Variants in UBOX5 observed in about 807,000 individuals in gnomAD.
UBOX5 encodes RING finger protein 37.
In UBOX5, 28 loss-of-function variants were observed where a neutral mutation model predicts 39.0. That is an observed-to-expected ratio of 0.72 (90% CI 0.53 to 0.98). The LOEUF (loss-of-function observed/expected upper bound fraction) is 0.98. Ranked by LOEUF, UBOX5 falls within the 50% of genes least tolerant of loss-of-function variation. The pLI is 0.00. For synonymous variants in UBOX5, 283 were observed against 275.5 expected, an observed-to-expected ratio of 1.03 and a Z score of -0.27; for missense variants, 585 against 674.4, an observed-to-expected ratio of 0.87 and a Z score of 1.47.
At chr20:3,118,756 A>G (rs915711251) in intron 3 of UBOX5, among the ~76,000 whole-genome samples, 38 of 152,068 alleles carry the variant, frequency 2.5e-4, no homozygotes, top group African/African-American at 8.7e-4. Flanking sequence ...TGGGCGACAG[A>G]GCGAGACTCC....
intron 1 of UBOX5, chr20:3,146,804 T>C: frequency 6.2e-7 from 1 of 1,614,112 alleles, no homozygotes; most frequent in Non-Finnish European, 8.5e-7. Context: ...TACTTTCTCA[T>C]GAAGAAACGC....
chr20:3,156,361 T>G (rs1268826279), intron 1 of UBOX5, among the ~76,000 whole-genome samples: 1 of 151,962 alleles, frequency 6.6e-6, no homozygotes, highest in Non-Finnish European at 1.5e-5. Flanking sequence ...TATTTTTTGG[T>G]AGAGACGGGG....
At chr20:3,142,631 G>A (rs1027198454) in intron 1 of UBOX5, among the ~76,000 whole-genome samples, 2 of 149,968 alleles carry the variant, frequency 1.3e-5, no homozygotes, top group Admixed American at 1.3e-4. Context: ...AAAGGTGCCG[G>A]GCTTGGTGGC....
chr20:3,158,723 C>T (rs1229361635), intron 1 of UBOX5, among the ~76,000 whole-genome samples: 2 of 151,830 alleles, frequency 1.3e-5, no homozygotes, highest in Admixed American at 6.6e-5. Context: ...ATCCGCCCGC[C>T]TTGACCTCCC....
intron 4 of UBOX5, among the ~76,000 whole-genome samples, chr20:3,114,845 G>A (rs1264952330): frequency 6.6e-6 from 1 of 152,166 alleles, no homozygotes; most frequent in African/African-American, 2.4e-5. Context: ...CTACTCAGGA[G>A]GCTGAGGCAG....
rs540208105 is a variant in UBOX5, at chr20:3,149,168, C to T, written c.-42+10598G>A. 20 of 1,370,102 alleles carry T rather than the reference C, an allele frequency of 1.5e-5. No individual in the cohort carries two copies. Among genetic ancestry groups the T allele is most frequent in the African/African-American group, 1.5e-4 (10 of 68,754 alleles). The allele number at this position is 1,370,102 out of a possible 1,614,324, so 84.9% of individuals were successfully genotyped here. ...TATATGGTGCTTGATTAGAGCTGGA[C>T]GGGGAGGTGTTCCACAAAAACTGCC... On this transcript the variant is annotated intron_variant, in intron 1 of 4. Coordinates refer to ENST00000217173, the MANE Select transcript of UBOX5 (RefSeq NM_014948.4). The surrounding 1 kb of genome is among the most constrained non-coding windows in gnomAD (Gnocchi z 4.1).
chr20:3,126,270 G>GGTGCAAGAT (rs1340905635), intron 1 of UBOX5, among the ~76,000 whole-genome samples: 26 of 152,154 alleles, frequency 1.7e-4, no homozygotes, highest in African/African-American at 6.3e-4. Context: ...GATTAAGGGC[G>GGTGCAAGAT]GTGCAAGATG....
chr20:3,122,505 T>C lies in UBOX5; in HGVS notation c.134A>G (p.Tyr45Cys). ...TKRSHGFRTE[Y>C]FIKPPVYVTV... ...CACATAGACTGGTGGCTTAATGAAA[T>C]ACTCTGTCCTGAAACCATGACTTCT... Residue 45 changes from tyrosine to cysteine, a missense_variant, in exon 3 of 5, where the codon TAT becomes TGT. Coordinates refer to ENST00000217173, the MANE Select transcript of UBOX5 (RefSeq NM_014948.4). 1.2e-6 allele frequency: 2 copies of C among 1,614,070 alleles called. No individual in the cohort carries two copies. Among genetic ancestry groups the C allele is most frequent in the Non-Finnish European group, 1.7e-6 (2 of 1,179,968 alleles).
Position 3,108,549 on chromosome 20 carries a change from A to T in UBOX5, c.*1557T>A, listed in dbSNP as rs2066228616. ...CCATCCATGCGGACCCTCAAATCTC[A>T]TGTGAAGGCTGCATCAAGGTCAGTG... On this transcript the variant is annotated 3_prime_UTR_variant, in exon 5 of 5. Coordinates refer to ENST00000217173, the MANE Select transcript of UBOX5 (RefSeq NM_014948.4). 1 of 152,286 alleles carries T rather than the reference A, an allele frequency of 6.6e-6. No individual in the cohort carries two copies. The highest frequency in any genetic ancestry group is 1.5e-5 in the Non-Finnish European group (1 of 68,076). The allele number at this position is 152,286 out of a possible 1,614,324, so 9.4% of individuals were successfully genotyped here.
At chr20:3,122,734 A>C (rs1169129172) in intron 2 of UBOX5, 150 bp from the exon 3 acceptor site, 3 of 1,168,814 alleles carry the variant, frequency 2.6e-6, no homozygotes, top group Admixed American at 6.2e-5. Flanking sequence ...ATCAGATCAA[A>C]GGCCAAGGGC....
At chr20:3,126,481 G>A (rs1320924370) in intron 1 of UBOX5, among the ~76,000 whole-genome samples, 6 of 137,654 alleles carry the variant, frequency 4.4e-5, no homozygotes, top group Non-Finnish European at 7.7e-5. Context: ...CCCCCTCTCC[G>A]AGAAACACCC....
At chr20:3,121,094 AAG>A (rs1568470353) in intron 3 of UBOX5, among the ~76,000 whole-genome samples, 2 of 152,162 alleles carry the variant, frequency 1.3e-5, no homozygotes, top group Non-Finnish European at 2.9e-5. Flanking sequence ...GACCCCAAGG[AAG>A]GCAACAGTGC....
intron 1 of UBOX5, among the ~76,000 whole-genome samples, chr20:3,155,852 A>C (rs2066678488): frequency 6.6e-6 from 1 of 152,222 alleles, no homozygotes; most frequent in Admixed American, 6.5e-5. Context: ...AATGGTAAAC[A>C]GTGGCTACTT....
rs1231053084 is a variant in UBOX5 at position 3,122,119 on chromosome 20, T to G, written c.520A>C (p.Arg174=). Residue 174 remains arginine (R), a synonymous_variant, in exon 3 of 5, where the codon AGG becomes CGG. Transcript: ENST00000217173. The stretch of plus-strand genomic sequence containing the variant: ...CCTGTCACATGGGTGATACAGATCC[T>G]TAAGTGGGCCACGTGGCTAAGGGAA... ...ALSLSHVAHL[R]ICITHVTGGG... The G allele has an allele frequency of 2.5e-6, 4 of 1,614,110 alleles. No individual in the cohort carries two copies. The highest frequency in any genetic ancestry group is 3.4e-6 in the Non-Finnish European group (4 of 1,180,052).
At chr20:3,111,602 T>C (rs1208351120) in intron 4 of UBOX5, 1 of 152,656 alleles carries the variant, frequency 6.6e-6, no homozygotes, top group African/African-American at 2.4e-5. Flanking sequence ...CACTCTGCGC[T>C]GCTGGCCTCC....
intron 1 of UBOX5, chr20:3,135,975 A>G (rs904053214): frequency 6.6e-6 from 1 of 152,174 alleles, no homozygotes; most frequent in African/African-American, 2.4e-5. Context: ...AAATGACACT[A>G]ATGAAAAGTC....
At position 3,122,316 on chromosome 20, in the gene UBOX5, G is replaced by C. The variant is rs760398289; in HGVS notation, c.323C>G (p.Ser108Cys). ...GGTGAACGCCTCCTTGTCTGGGACA[G>C]ATGGCTCAGCTGGGCCCAGGGTCCG... ...QCRTLGPAEP[S>C]VPDKEAFTLV... is the part of the protein sequence containing the mutation. Residue 108 changes from serine to cysteine, a missense_variant, in exon 3 of 5, where the codon TCT (serine) becomes TGT (cysteine). Physicochemically the swap from Ser to Cys is moderately radical, Grantham distance 112. Coordinates refer to ENST00000217173, the MANE Select transcript of UBOX5 (RefSeq NM_014948.4). 1.2e-6 allele frequency: 2 copies of C among 1,614,220 alleles called. No individual in the cohort carries two copies. The highest frequency in any genetic ancestry group is 1.7e-6 in the Non-Finnish European group (2 of 1,180,026).
At chr20:3,120,977 C>A (rs1472769884) in intron 3 of UBOX5, among the ~76,000 whole-genome samples, 1 of 152,102 alleles carries the variant, frequency 6.6e-6, no homozygotes, top group African/African-American at 2.4e-5. Context: ...AAGAAGGCAC[C>A]AGAAGAGATT....
chr20:3,115,471 C>G lies in UBOX5; in HGVS notation c.1256-5G>C. ...TCTGCTCGTGGGACAGTGGACCTGT[C>G]GAGAGATGCGCACAGCACAACATCC... On this transcript the variant is annotated splice_polypyrimidine_tract_variant and splice_region_variant and intron_variant, in intron 3 of 4. Coordinates refer to ENST00000217173, the MANE Select transcript of UBOX5 (RefSeq NM_014948.4). The G allele has an allele frequency of 1.2e-6, 2 of 1,610,440 alleles. No individual in the cohort carries two copies. Among genetic ancestry groups the G allele is most frequent in the South Asian group, 1.1e-5 (1 of 90,538 alleles).
Sources: gnomAD v4.1 joint callset for allele counts (sites outside exome capture counted in the v4.1 genomes callset) on GRCh38, gnomAD v4.1.1 for gene constraint, Gnocchi (gnomAD v3.1) non-coding constraint, MANE v1.5 for transcripts, NCBI Gene and HGNC (gene_info 2026-07-23, HGNC 2026-07-21) for gene names.